The following MED16 variants were observed in gnomAD, a reference collection of about 807,000 sequenced individuals.
MED16 encodes mediator of RNA polymerase II transcription subunit 16.
MED16 carries 81 observed loss-of-function variants against 84.4 expected under a neutral mutation model. The observed-to-expected ratio is 0.96, with a 90% CI of 0.80 to 1.15. The LOEUF is 1.15. Ranked by LOEUF, MED16 falls within the 50% of genes most tolerant of loss-of-function variation. MED16 has a pLI of 0.00. For synonymous variants in MED16, 897 were observed against 552.2 expected (o/e 1.62, Z -8.76); for missense variants, 1,585 against 1,245.9 (o/e 1.27, Z -4.10).
intron 10 of MED16, among the ~76,000 whole-genome samples, chr19:873,968 AGCTGGCG>A (rs2036165695): frequency 6.6e-6 from 1 of 152,118 alleles, no homozygotes; most frequent in African/African-American, 2.4e-5. Context: ...CCCGGCTGGC[AGCTGGCG>A]GCGGTTACAC....
At chr19:880,234 A>T in intron 7 of MED16, 86 bp from the exon 8 acceptor site, 1 of 1,326,102 alleles carries the variant, frequency 7.5e-7, no homozygotes, top group South Asian at 1.5e-5. Context: ...CAGGGTGTGG[A>T]GAGCCGGGGC....
At chr19:887,995 G>C (rs1239259895) in intron 4 of MED16, among the ~76,000 whole-genome samples, 1 of 151,454 alleles carries the variant, frequency 6.6e-6, no homozygotes, top group Admixed American at 6.6e-5. Flanking sequence ...CTGAGGTTAG[G>C]AGTTCGAGAC....
At chr19:871,556 A>G in intron 12 of MED16, 2 of 1,590,444 alleles carry the variant, frequency 1.3e-6, no homozygotes, top group Non-Finnish European at 1.7e-6. Context: ...GACACAGCTC[A>G]CCCTCCTCAC....
intron 5 of MED16, 98 bp downstream of exon 5, chr19:885,672 G>A: frequency 7.2e-7 from 1 of 1,380,298 alleles, no homozygotes; most frequent in South Asian, 1.3e-5. Context: ...CCACGGTTTA[G>A]CCCGTGGAGG....
At chr19:872,777 T>G (rs2036113054) in intron 11 of MED16, 24 of 176,016 alleles carry the variant, frequency 1.4e-4, no homozygotes, top group South Asian at 3.9e-4. Context: ...CTGGGGAGGG[T>G]AAGGGGTGGG....
At chr19:872,180 T>A in intron 11 of MED16, 62 bp from the exon 12 acceptor site, 1 of 1,457,536 alleles carries the variant, frequency 6.9e-7, no homozygotes. Context: ...TGGGATGAAG[T>A]GTCTTGGGGT....
Position 872,723 on chromosome 19 carries a change from G to C in MED16, c.1906-605C>G, listed in dbSNP as rs191363604. 5.4e-4 allele frequency among the ~76,000 whole-genome samples: 82 copies of C among 151,934 alleles called. No individual in the cohort carries two copies. The Middle Eastern group carries it at 0.02, about 38-fold the overall frequency. On this transcript the variant is annotated intron_variant, in intron 11 of 15. Coordinates refer to ENST00000325464, the MANE Select transcript of MED16 (RefSeq NM_005481.3). ...CCGCAGAACTGAAGGTGGAGGTGTG[G>C]ATGGAGACTTGATTTCAAGGCCGCC...
In MED16 at chr19:877,082, G is replaced by T. The variant is rs62132304; in HGVS notation, c.1452C>A (p.Thr484=). The part of the protein sequence containing the change: ...LLFLLEYCMV[T]GYDWWDILLH... Reference sequence around the variant, plus strand: ...GCAGGATGTCCCACCAGTCGTAGCCGGTCACCATGCAGTACTCCAGCAGGA... The same window carrying T: ...GCAGGATGTCCCACCAGTCGTAGCCTGTCACCATGCAGTACTCCAGCAGGA... The change falls in exon 9 of 16, where the codon ACC becomes ACA. Residue 484 remains threonine, a synonymous_variant. Coordinates refer to ENST00000325464, the MANE Select transcript of MED16 (RefSeq NM_005481.3). 1 of 1,612,670 alleles carries T rather than the reference G, an allele frequency of 6.2e-7. No homozygotes were observed. Among genetic ancestry groups the T allele is most frequent in the Non-Finnish European group, 8.5e-7 (1 of 1,179,900 alleles).
chr19:883,120 C>T (rs1248432295), intron 6 of MED16, among the ~76,000 whole-genome samples: 2 of 152,226 alleles, frequency 1.3e-5, no homozygotes, highest in African/African-American at 4.8e-5. Context: ...ATCCAACTGA[C>T]GGCTGCGGTC....
In MED16 at chr19:886,079, C is replaced by G. The variant is rs2036520000; in HGVS notation, c.570G>C (p.Val190=). 6.3e-7 allele frequency: 1 copy of G among 1,594,700 alleles called. No homozygotes were observed. ...CCTGCCCGCTGGGCTTCAGCAGGGA[C>G]ACGGTGACCAGGCCGCTGACCGTCA... ...IAVTVSGLVT[V]SLLKPSGQVL... Residue 190 remains valine (V), a synonymous_variant, in exon 5 of 16, where the codon GTG becomes GTC. Transcript: ENST00000325464.
Position 890,201 on chromosome 19 carries a change from C to A in MED16, c.213G>T (p.Trp71Cys). 1 of 1,555,054 alleles carries A rather than the reference C, an allele frequency of 6.4e-7. No individual in the cohort carries two copies. The highest frequency in any genetic ancestry group is 8.7e-7 in the Non-Finnish European group (1 of 1,149,246). ...MIHILDTEHP[W>C]DLHSIPSEHH... ...GCTCTGAGGGGATCGAGTGCAGGTC[C>A]CAGGGGTGCTCCGTGTCCAGGATGT... The change falls in exon 3 of 16, where the codon TGG becomes TGT. Residue 71 changes from tryptophan (W) to cysteine (C), a missense_variant. Transcript: ENST00000325464.
rs369009728 is a variant in MED16, at chr19:873,523, G to C, written c.1831C>G (p.Leu611Val). ...TEEFVLDMNT[L>V]QALQQLLQWV... Reference sequence around the variant, plus strand: ...TGCAAGAGCTGCTGCAGCGCCTGCAGTGTGTTCATGTCCAGCACAAATTCC... The same window carrying C: ...TGCAAGAGCTGCTGCAGCGCCTGCACTGTGTTCATGTCCAGCACAAATTCC... Residue 611 changes from leucine to valine, a missense_variant, in exon 11 of 16, where the codon CTG (leucine) becomes GTG (valine). Physicochemically the swap from Leu to Val is conservative, Grantham distance 32. Coordinates refer to ENST00000325464, the MANE Select transcript of MED16 (RefSeq NM_005481.3). 6.8e-6 allele frequency: 11 copies of C among 1,612,222 alleles called. No individual in the cohort carries two copies. The highest frequency in any genetic ancestry group is 3.3e-5 in the South Asian group (3 of 91,090).
chr19:880,216 C>G, intron 7 of MED16, 68 bp from the exon 8 acceptor site: 1 of 1,454,572 alleles, frequency 6.9e-7, no homozygotes, highest in South Asian at 1.3e-5. Context: ...GAGGGGCCTC[C>G]TGCTCTGCAG....
In MED16 at chr19:868,286, G is replaced by A. The variant is rs1410315216; in HGVS notation, c.2484-35C>T. The A allele has an allele frequency of 2.5e-6, 4 of 1,589,270 alleles. No homozygotes were observed. In the African/African-American group the frequency reaches 5.4e-5, roughly 21 times the overall value. Reference sequence around the variant, plus strand: ...GGGCTGAGGTTAACCGCGCCGAGGAGAGTCCAGGGCGAGCGGTGGCTCTTG... The same window carrying A: ...GGGCTGAGGTTAACCGCGCCGAGGAAAGTCCAGGGCGAGCGGTGGCTCTTG... On this transcript the variant is annotated intron_variant, in intron 15 of 15. Transcript: ENST00000325464.
rs370577388 is a variant in MED16 at position 891,090 on chromosome 19, G to A, written c.42C>T (p.Asp14=). The stretch of plus-strand genomic sequence containing the variant: ...TCTCCCACTCACAGACGTAGGCCAA[G>A]TCCATCATCCCACCTGCCGCTGGCC... The part of the protein sequence containing the change: ...LRRPAAGGMM[D]LAYVCEWEKW... The change falls in exon 2 of 16, where the codon GAC becomes GAT. Residue 14 remains aspartate (D), a synonymous_variant. Transcript: ENST00000325464. 48 of 1,613,990 alleles carry A rather than the reference G, an allele frequency of 3.0e-5. No individual in the cohort carries two copies. In the South Asian group the frequency reaches 4.1e-4, roughly 14 times the overall value.
In MED16 at chr19:871,240, G is replaced by A. The variant is rs2036045247; in HGVS notation, c.2112C>T (p.Gly704=). The stretch of plus-strand genomic sequence containing the variant: ...GCGCCTCGTCCGGCTCGCTCGCTGG[G>A]CCCTCATCGCGACCTGCGGAGAGAG... ...TKLWICCRDE[G]PASEPDEALV... The change falls in exon 13 of 16, where the codon GGC becomes GGT. Residue 704 remains glycine, a synonymous_variant. Transcript: ENST00000325464. The A allele has an allele frequency of 3.9e-6, 6 of 1,538,952 alleles. No homozygotes were observed. Among genetic ancestry groups the A allele is most frequent in the Non-Finnish European group, 4.4e-6 (5 of 1,138,480 alleles).
chr19:872,588 G>A (rs1037895799), intron 11 of MED16, among the ~76,000 whole-genome samples: 2 of 151,644 alleles, frequency 1.3e-5, no homozygotes, highest in African/African-American at 4.8e-5. Context: ...GGGCCCCAGG[G>A]CAGGATGAAG....
intron 5 of MED16, among the ~76,000 whole-genome samples, chr19:885,342 G>GC (rs1443081291): frequency 1.3e-5 from 2 of 152,240 alleles, no homozygotes; most frequent in Non-Finnish European, 2.9e-5. Context: ...CTCAACAGTG[G>GC]CCCCCAGAAC....
intron 8 of MED16, among the ~76,000 whole-genome samples, chr19:878,019 ACCAGCC>A (rs58053516): frequency 0.1 from 3,946 of 39,190 alleles, 298 homozygotes; most frequent in Non-Finnish European, 0.13. Flanking sequence ...GTCAACGCCC[ACCAGCC>A]CCAGCCCCAG....
Sources: gnomAD v4.1 joint callset for allele counts (sites outside exome capture counted in the v4.1 genomes callset) on GRCh38, gnomAD v4.1.1 for gene constraint, MANE v1.5 for transcripts, NCBI Gene and HGNC (gene_info 2026-07-23, HGNC 2026-07-21) for gene names.